Variants in DENND2A observed in about 807,000 individuals in gnomAD.
DENND2A encodes DENN domain-containing protein 2A.
Under a neutral mutation model 105.3 loss-of-function variants are expected in DENND2A, and 53 were observed. That is an observed-to-expected ratio of 0.50 (90% CI 0.40 to 0.63). The LOEUF (loss-of-function observed/expected upper bound fraction) is 0.63. DENND2A is among the 30% of genes least tolerant of loss of function. The probability of loss-of-function intolerance (pLI) is 0.00; values close to 1 mark genes in which losing one functional copy is unlikely to be tolerated. For missense variants in DENND2A, 1,138 were observed against 1,279.6 expected (o/e 0.89, Z 1.69); for synonymous variants, 522 against 508.4 (o/e 1.03, Z -0.36).
At chr7:140,600,021 A>C (rs1799425090) in intron 3 of DENND2A, among the ~76,000 whole-genome samples, 1 of 152,070 alleles carries the variant, frequency 6.6e-6, no homozygotes, top group Non-Finnish European at 1.5e-5. Flanking sequence ...TGAAACTAGA[A>C]CCAAAGGACC....
At chr7:140,558,740 G>A (rs1173821332) in intron 10 of DENND2A, among the ~76,000 whole-genome samples, 7 of 146,120 alleles carry the variant, frequency 4.8e-5, no homozygotes, top group African/African-American at 1.0e-4. Flanking sequence ...GAGACCTAAA[G>A]TGTCGCTGTG....
chr7:140,580,630 C>CTAT (rs1798503662), intron 5 of DENND2A, among the ~76,000 whole-genome samples: 2 of 151,846 alleles, frequency 1.3e-5, no homozygotes, highest in South Asian at 2.1e-4. Context: ...TGTTATTTTA[C>CTAT]TATTATTATT....
intron 6 of DENND2A, among the ~76,000 whole-genome samples, chr7:140,572,141 G>A (rs545722124): frequency 6.6e-6 from 1 of 152,008 alleles, no homozygotes; most frequent in Non-Finnish European, 1.5e-5. Flanking sequence ...ATGTAGCTGG[G>A]ACTACAAGTG....
rs558295503 is a variant in DENND2A, at chr7:140,607,136, C to T, written c.-247-1330G>A. Among the ~76,000 whole-genome samples, 17 of 152,290 alleles carry T rather than the reference C, an allele frequency of 1.1e-4. No individual in the cohort carries two copies. In the Middle Eastern group the frequency reaches 0.01, roughly 91 times the overall value. On this transcript the variant is annotated intron_variant, in intron 1 of 19. Coordinates refer to ENST00000496613, the MANE Select transcript of DENND2A (RefSeq NM_015689.5). ...TTCCAGGGAAGCCCTCTCCCAACTC[C>T]TTCTTCAGTTTCCAGGATTCCTACC...
chr7:140,634,916 C>G (rs1472803179), intron 1 of DENND2A, among the ~76,000 whole-genome samples: 1 of 150,238 alleles, frequency 6.7e-6, no homozygotes, highest in Non-Finnish European at 1.5e-5. Flanking sequence ...GAGCCAAGAT[C>G]ACGGCACTGA....
intron 3 of DENND2A, among the ~76,000 whole-genome samples, chr7:140,591,808 T>C (rs569096458): frequency 7.6e-4 from 113 of 148,704 alleles, no homozygotes; most frequent in Non-Finnish European, 1.6e-3. Context: ...TTTCTTTCTT[T>C]TTCCTTCTCT....
At chr7:140,638,671 C>A (rs1373799856) in intron 1 of DENND2A, among the ~76,000 whole-genome samples, 1 of 152,250 alleles carries the variant, frequency 6.6e-6, no homozygotes, top group Non-Finnish European at 1.5e-5. Context: ...CGCAGCCACA[C>A]TGAATTCCCC....
At chr7:140,573,597 G>T (rs1033436837) in intron 6 of DENND2A, among the ~76,000 whole-genome samples, 8 of 152,192 alleles carry the variant, frequency 5.3e-5, no homozygotes, top group Non-Finnish European at 8.8e-5. Context: ...TGGGAGAAGA[G>T]TGGCTAAGAG....
Position 140,527,366 on chromosome 7 carries a change from C to CGAG in DENND2A, c.2456_2457insCTC (p.Gly819_Leu820insSer), listed in dbSNP as rs1796094678. 1 of 1,603,434 alleles carries CGAG rather than the reference C, an allele frequency of 6.2e-7. No individual in the cohort carries two copies. The highest frequency in any genetic ancestry group is 1.3e-5 in the African/African-American group (1 of 74,844). On this transcript the variant is annotated inframe_insertion, in exon 15 of 20. Transcript: ENST00000496613. This position sits in a 1 kb window ranked among gnomAD's most constrained non-coding sequence, Gnocchi z 4.9. ...GCAGTGGCAGCGAGCTGGAGAGCAGCCCGATGAGGAAGGGCGTCGGCGAGC... is the reference window on the plus strand; with the variant it reads ...GCAGTGGCAGCGAGCTGGAGAGCAGCGAGCCGATGAGGAAGGGCGTCGGCGAGC...
At chr7:140,596,642 G>A (rs1053931505) in intron 3 of DENND2A, among the ~76,000 whole-genome samples, 8 of 152,132 alleles carry the variant, frequency 5.3e-5, no homozygotes, top group African/African-American at 1.9e-4. Context: ...AAAGCTCCAA[G>A]GAAAGGCCAA....
intron 6 of DENND2A, among the ~76,000 whole-genome samples, chr7:140,573,132 G>T (rs1798163312): frequency 6.6e-6 from 1 of 152,078 alleles, no homozygotes; most frequent in Non-Finnish European, 1.5e-5. Context: ...TTTCTTTTGA[G>T]GGCTCCCACG....
chr7:140,571,601 T>C (rs1563150038), intron 6 of DENND2A, among the ~76,000 whole-genome samples: 1 of 151,972 alleles, frequency 6.6e-6, no homozygotes, highest in Non-Finnish European at 1.5e-5. Flanking sequence ...GTTGGAGTGT[T>C]TCAACAGTCA....
At chr7:140,618,171 T>C (rs1399131546) in intron 1 of DENND2A, among the ~76,000 whole-genome samples, 2 of 152,136 alleles carry the variant, frequency 1.3e-5, no homozygotes, top group African/African-American at 2.4e-5. Flanking sequence ...CTAGTATGAG[T>C]TTGCCATAAA....
At chr7:140,531,636 TAAAAATACA>T (rs1048560780) in intron 14 of DENND2A, among the ~76,000 whole-genome samples, 1 of 151,346 alleles carries the variant, frequency 6.6e-6, no homozygotes, top group African/African-American at 2.4e-5. Context: ...CCGTCTCTAC[TAAAAATACA>T]AAAAATACAA....
At chr7:140,628,276 C>T (rs1800605307) in intron 1 of DENND2A, among the ~76,000 whole-genome samples, 1 of 152,206 alleles carries the variant, frequency 6.6e-6, no homozygotes, top group Non-Finnish European at 1.5e-5. Context: ...ATCCCCTTCC[C>T]TTTGCAGCAG....
chr7:140,602,387 A>T lies in DENND2A; in HGVS notation c.11T>A (p.Phe4Tyr). MDM[F>Y]SLDMIISDPA... ...GTCACTGATGATCATATCCAAGCTG[A>T]ACATATCCATTCTTGACTCTAGCGT... is the stretch of plus-strand genomic sequence containing the variant. The change falls in exon 3 of 20, where the codon TTC (phenylalanine) becomes TAC (tyrosine). Residue 4 changes from phenylalanine to tyrosine, a missense_variant. Phe to Tyr is a conservative substitution (Grantham distance 22). This residue lies in a region of DENND2A where 511 missense variants were observed against 499.9 expected (regional missense o/e 1.02). Coordinates refer to ENST00000496613, the MANE Select transcript of DENND2A (RefSeq NM_015689.5). 6.4e-7 allele frequency: 1 copy of T among 1,570,180 alleles called. No homozygotes were observed. The highest frequency in any genetic ancestry group is 8.6e-7 in the Non-Finnish European group (1 of 1,161,632).
intron 13 of DENND2A, chr7:140,545,015 G>A: frequency 3.1e-6 from 1 of 326,522 alleles, no homozygotes; most frequent in Non-Finnish European, 4.4e-6. Context: ...AGGACAGTGT[G>A]GACGAACGGG....
chr7:140,596,035 G>A (rs775899405), intron 3 of DENND2A, among the ~76,000 whole-genome samples: 5 of 152,090 alleles, frequency 3.3e-5, no homozygotes, highest in Non-Finnish European at 5.9e-5. Context: ...TCTGTTATCG[G>A]GTAACTCCTC....
Position 140,527,567 on chromosome 7 carries a change from C to A in DENND2A, c.2328-72G>T. 1 of 1,450,684 alleles carries A rather than the reference C, an allele frequency of 6.9e-7. No homozygotes were observed. 89.9% of individuals were successfully genotyped at this position (1,450,684 alleles called of 1,614,324 possible). ...CCGAGGAAGCCTCCAGGGGAGAAGG[C>A]TCCTCCCAGAGACAGGATGACTAGG... On this transcript the variant is annotated intron_variant, in intron 14 of 19. Coordinates refer to ENST00000496613, the MANE Select transcript of DENND2A (RefSeq NM_015689.5). The surrounding 1 kb of genome is among the most constrained non-coding windows in gnomAD (Gnocchi z 4.9).
Sources: allele counts gnomAD v4.1 joint callset (sites outside exome capture counted in the v4.1 genomes callset), GRCh38; gene constraint gnomAD v4.1.1; regional missense constraint gnomAD v4.1.1; non-coding constraint Gnocchi (gnomAD v3.1); transcripts MANE v1.5; gene names NCBI Gene and HGNC (gene_info 2026-07-23, HGNC 2026-07-21).